The following ZNF536 variants were observed in gnomAD, a reference collection of about 807,000 sequenced individuals.
ZNF536 encodes the protein zinc finger protein 536.
Under a neutral mutation model 84.5 loss-of-function variants are expected in ZNF536, and 13 were observed. That is an observed-to-expected ratio of 0.15 (90% CI 0.10 to 0.24). The LOEUF (loss-of-function observed/expected upper bound fraction) is 0.24. Ranked by LOEUF, ZNF536 falls within the 10% of genes least tolerant of loss-of-function variation. ZNF536 has a pLI of 1.00. For synonymous variants in ZNF536, 811 were observed against 742.5 expected (o/e 1.09, Z -1.50); for missense variants, 1,536 against 1,747.5 (o/e 0.88, Z 2.16).
At chr19:30,571,244 C>T (rs377136212) in intron 1 of ZNF536, among the ~76,000 whole-genome samples, 1 of 152,118 alleles carries the variant, frequency 6.6e-6, no homozygotes, top group East Asian at 1.9e-4. Context: ...AAGTCTAGTT[C>T]AAGCTGTGTC....
chr19:30,280,613 G>A (rs1369822311), intron 1 of ZNF536, among the ~76,000 whole-genome samples: 1 of 152,246 alleles, frequency 6.6e-6, no homozygotes, highest in Non-Finnish European at 1.5e-5. Context: ...CCCACAGGCA[G>A]GAAACTCGCT....
intron 1 of ZNF536, among the ~76,000 whole-genome samples, chr19:30,379,105 G>A (rs555202391): frequency 6.6e-6 from 1 of 152,324 alleles, no homozygotes; most frequent in East Asian, 1.9e-4. Context: ...TTTGAAATAT[G>A]GAGGTGATGG....
At chr19:30,510,887 T>G (rs563964913) in intron 2 of ZNF536, among the ~76,000 whole-genome samples, 12 of 152,342 alleles carry the variant, frequency 7.9e-5, no homozygotes, top group African/African-American at 2.9e-4. Flanking sequence ...GCATTGTAGC[T>G]TTGCATCCTT....
chr19:30,592,148 A>G lies in ZNF536; in HGVS notation c.169+42634A>G, dbSNP rs995282308. ...TCATAATCAGAATACAGATGTGCAG[A>G]GTAATTTCCATGCACAAGTCACTAT... is the stretch of plus-strand genomic sequence containing the variant. On this transcript the variant is annotated intron_variant, in intron 1 of 1. Transcript: ENST00000592773. Among the ~76,000 whole-genome samples the G allele has an allele frequency of 3.3e-5, 5 of 152,236 alleles. No homozygotes were observed. In the East Asian group the frequency reaches 9.6e-4, roughly 29 times the overall value.
intron 1 of ZNF536, among the ~76,000 whole-genome samples, chr19:30,408,102 G>C (rs950310702): frequency 6.6e-6 from 1 of 152,140 alleles, no homozygotes; most frequent in Non-Finnish European, 1.5e-5. Context: ...GAGAAAGATG[G>C]GCTGTGTTTC....
rs143636390 is a variant in ZNF536, at chr19:30,620,978, A to G, written c.169+71464A>G. Among the ~76,000 whole-genome samples, 7 of 152,312 alleles carry G rather than the reference A, an allele frequency of 4.6e-5. No individual in the cohort carries two copies. In the East Asian group the frequency reaches 1.3e-3, roughly 29 times the overall value. The stretch of plus-strand genomic sequence containing the variant: ...TTTATATTTTTAGAAGTGCTGAACA[A>G]AAGGAAGGGGCTTCTAATCAAGAGT... On this transcript the variant is annotated intron_variant, in intron 1 of 1. Transcript: ENST00000592773.
intron 1 of ZNF536, among the ~76,000 whole-genome samples, chr19:30,245,135 C>G (rs10405118): frequency 0.58 from 88,435 of 152,022 alleles, 28,248 homozygotes; most frequent in East Asian, 0.92. Context: ...CCATAGCACA[C>G]CTGTTTCCTC....
intron 3 of ZNF536, among the ~76,000 whole-genome samples, chr19:30,539,832 G>T (rs915595984): frequency 6.6e-6 from 1 of 152,176 alleles, no homozygotes; most frequent in Non-Finnish European, 1.5e-5. Flanking sequence ...GCGTGGCTGC[G>T]GGACTCCTGG....
intron 1 of ZNF536, among the ~76,000 whole-genome samples, chr19:30,266,180 C>G (rs2025502384): frequency 6.6e-6 from 1 of 152,242 alleles, no homozygotes; most frequent in African/African-American, 2.4e-5. Context: ...TCCTGAGTAG[C>G]TGAGACTACA....
At chr19:30,394,984 G>A (rs942293364) in intron 1 of ZNF536, among the ~76,000 whole-genome samples, 7 of 152,144 alleles carry the variant, frequency 4.6e-5, no homozygotes, top group African/African-American at 1.7e-4. Flanking sequence ...CAGCTTGTGA[G>A]CTCGGTTACT....
At chr19:30,385,213 C>T (rs564483956) in intron 1 of ZNF536, among the ~76,000 whole-genome samples, 3 of 151,774 alleles carry the variant, frequency 2.0e-5, no homozygotes, top group East Asian at 2.0e-4. Context: ...GCCCTGAAAT[C>T]GGGTGGAAAT....
chr19:30,402,937 G>A (rs1298510226), intron 1 of ZNF536, among the ~76,000 whole-genome samples: 2 of 151,582 alleles, frequency 1.3e-5, no homozygotes, highest in Non-Finnish European at 2.9e-5. Flanking sequence ...TTATTGTGAG[G>A]CCCAAACCCA....
intron 1 of ZNF536, among the ~76,000 whole-genome samples, chr19:30,398,471 T>C (rs1406062064): frequency 1.3e-5 from 2 of 151,906 alleles, no homozygotes; most frequent in Non-Finnish European, 2.9e-5. Context: ...ACACACGCCA[T>C]GGTGGTTTGC....
At chr19:30,305,853 C>A (rs2046326881) in intron 2 of ZNF536, among the ~76,000 whole-genome samples, 1 of 152,240 alleles carries the variant, frequency 6.6e-6, no homozygotes, top group Admixed American at 6.5e-5. Flanking sequence ...GAGGAAAGGA[C>A]TGTGCCATCA....
intron 2 of ZNF536, among the ~76,000 whole-genome samples, chr19:30,344,674 C>G (rs1212346659): frequency 3.3e-5 from 3 of 91,124 alleles, no homozygotes; most frequent in Admixed American, 2.4e-4. Flanking sequence ...AGCAGGCAGG[C>G]CATTTTTTTT....
chr19:30,510,370 T>C (rs2055359419), intron 2 of ZNF536, among the ~76,000 whole-genome samples: 1 of 152,212 alleles, frequency 6.6e-6, no homozygotes, highest in Non-Finnish European at 1.5e-5. Flanking sequence ...ACCCAGGTGA[T>C]GGGGCTGGCA....
chr19:30,376,867 C>T (rs10411592), intron 1 of ZNF536, among the ~76,000 whole-genome samples: 2,607 of 152,302 alleles, frequency 0.017, 77 homozygotes, highest in African/African-American at 0.057. Flanking sequence ...CAGGCTAGGA[C>T]CTTACCTTCG....
At chr19:30,438,515 G>A (rs1215451697) in intron 1 of ZNF536, among the ~76,000 whole-genome samples, 1 of 152,148 alleles carries the variant, frequency 6.6e-6, no homozygotes, top group Admixed American at 6.5e-5. Flanking sequence ...CAGGGTTGGG[G>A]GTGGGCTGTG....
intron 2 of ZNF536, among the ~76,000 whole-genome samples, chr19:30,449,523 T>C (rs33432): frequency 0.55 from 83,369 of 152,030 alleles, 23,856 homozygotes; most frequent in Non-Finnish European, 0.63. Context: ...TACTAAGAAA[T>C]GATACTGTTC....
Sources: allele counts gnomAD v4.1 joint callset (sites outside exome capture counted in the v4.1 genomes callset), GRCh38; gene constraint gnomAD v4.1.1; transcripts MANE v1.5; gene names NCBI Gene and HGNC (gene_info 2026-07-23, HGNC 2026-07-21).